ATP8B1: variants seen among roughly 807,000 people sequenced by gnomAD.
The protein encoded by ATP8B1 is phospholipid-transporting ATPase IC.
A neutral mutation model predicts 149.9 loss-of-function variants in ATP8B1; 80 were observed. The observed-to-expected ratio is 0.53, with a 90% CI of 0.45 to 0.64. ATP8B1 has a LOEUF of 0.64. ATP8B1 is among the 30% of genes least tolerant of loss of function. The pLI, the probability that ATP8B1 is intolerant of heterozygous loss-of-function variation, is 0.00. For missense variants in ATP8B1, 1,247 were observed against 1,552.6 expected (o/e 0.80, Z 3.31); for synonymous variants, 536 against 562.8 (o/e 0.95, Z 0.67).
intron 16 of ATP8B1, among the ~76,000 whole-genome samples, chr18:57,674,447 C>T (rs1206045345): frequency 5.8e-5 from 8 of 138,724 alleles, no homozygotes; most frequent in South Asian, 2.5e-4. Flanking sequence ...TGCAGTGGCG[C>T]GATGTCGGCT....
chr18:57,692,847 A>G (rs1912611474), intron 11 of ATP8B1, among the ~76,000 whole-genome samples: 1 of 152,214 alleles, frequency 6.6e-6, no homozygotes. Flanking sequence ...AAGCAATATG[A>G]TAAGTATTAT....
chr18:57,684,095 A>C lies in ATP8B1; in HGVS notation c.1571T>G (p.Val524Gly). The part of the protein sequence containing the change: ...EQIQSGKEPE[V>G]RQFFFLLAVC... Reference sequence around the variant, plus strand: ...TGCGAGCAAGAAGAAGAACTGTCGTACTTCTGGCTCTTTCCCTGACTGGAT... The same window carrying C: ...TGCGAGCAAGAAGAAGAACTGTCGTCCTTCTGGCTCTTTCCCTGACTGGAT... Residue 524 changes from valine (V) to glycine (G), a missense_variant, in exon 15 of 28, where the codon GTA becomes GGA. Around this residue, in one of 3 missense-constraint regions of ATP8B1, gnomAD observed 853 missense variants for 1,035.7 expected, o/e 0.82. Coordinates refer to ENST00000648908, the MANE Select transcript of ATP8B1 (RefSeq NM_001374385.1). The C allele has an allele frequency of 3.1e-6, 5 of 1,614,168 alleles. No individual in the cohort carries two copies. The highest frequency in any genetic ancestry group is 4.2e-6 in the Non-Finnish European group (5 of 1,180,006).
At chr18:57,710,818 A>G (rs1283361767) in intron 2 of ATP8B1, among the ~76,000 whole-genome samples, 1 of 152,142 alleles carries the variant, frequency 6.6e-6, no homozygotes, top group Non-Finnish European at 1.5e-5. Context: ...TATTTTTAGT[A>G]GAGACCGGGT....
At chr18:57,765,197 A>G (rs563170086) in intron 1 of ATP8B1, among the ~76,000 whole-genome samples, 1 of 152,372 alleles carries the variant, frequency 6.6e-6, no homozygotes, top group South Asian at 2.1e-4. Flanking sequence ...CACTTACATT[A>G]GGAATGCAGA....
intron 21 of ATP8B1, among the ~76,000 whole-genome samples, chr18:57,661,714 T>TATATATA (rs1491309917): frequency 2.1e-4 from 8 of 37,472 alleles, no homozygotes; most frequent in African/African-American, 5.9e-4. Context: ...TATATATATA[T>TATATATA]TTTTTTTTTT....
At chr18:57,763,445 T>C (rs1305641143) in intron 1 of ATP8B1, among the ~76,000 whole-genome samples, 1 of 152,158 alleles carries the variant, frequency 6.6e-6, no homozygotes, top group East Asian at 1.9e-4. Flanking sequence ...TTCCACAAAT[T>C]GTATCAGAAA....
intron 10 of ATP8B1, 64 bp from the exon 11 acceptor site, chr18:57,694,734 A>C: frequency 1.8e-6 from 2 of 1,127,520 alleles, no homozygotes; most frequent in Non-Finnish European, 2.7e-6. Flanking sequence ...CTCACCAATA[A>C]AATTACTCTT....
At chr18:57,679,822 G>A (rs62094230) in intron 15 of ATP8B1, among the ~76,000 whole-genome samples, 49,449 of 151,780 alleles carry the variant, frequency 0.33, 8,712 homozygotes, top group Non-Finnish European at 0.4. Context: ...CCGCCACCAC[G>A]CCCAGCTAAT....
At chr18:57,661,485 G>T (rs1229127777) in intron 21 of ATP8B1, 23 bp from the exon 22 acceptor site, 2 of 1,610,280 alleles carry the variant, frequency 1.2e-6, no homozygotes, top group Non-Finnish European at 8.5e-7. Context: ...AGAGGGAAAA[G>T]GTTACATTCA....
chr18:57,749,211 G>A (rs1030471074), intron 1 of ATP8B1, among the ~76,000 whole-genome samples: 16 of 152,214 alleles, frequency 1.1e-4, no homozygotes, highest in Admixed American at 3.9e-4. Context: ...AGCACATGGT[G>A]ATGAGGGCTT....
intron 4 of ATP8B1, among the ~76,000 whole-genome samples, chr18:57,701,852 C>G (rs1913144487): frequency 6.6e-6 from 1 of 151,912 alleles, no homozygotes; most frequent in Admixed American, 6.6e-5. Flanking sequence ...TGTGCCACCA[C>G]CCCCGGCTAA....
intron 25 of ATP8B1, 71 bp from the exon 26 acceptor site, chr18:57,652,243 C>A: frequency 6.3e-7 from 1 of 1,587,466 alleles, no homozygotes; most frequent in Admixed American, 1.7e-5. Flanking sequence ...ATCTAACAAT[C>A]CTGAAAACAG....
At chr18:57,761,085 TAAAATAAAATAA>T (rs1169756627) in intron 1 of ATP8B1, among the ~76,000 whole-genome samples, 9 of 133,016 alleles carry the variant, frequency 6.8e-5, no homozygotes, top group South Asian at 4.6e-4. Context: ...ATAAATAAAA[TAAAATAAAATAA>T]AAAATAAAAT....
chr18:57,789,672 A>G (rs778235383), intron 1 of ATP8B1, among the ~76,000 whole-genome samples: 13 of 152,220 alleles, frequency 8.5e-5, no homozygotes, highest in Non-Finnish European at 1.3e-4. Flanking sequence ...TGAGCCATGT[A>G]TGGTGGTCTT....
At chr18:57,715,855 AAGTAAACGATGTT>A (rs2079578704) in intron 2 of ATP8B1, among the ~76,000 whole-genome samples, 1 of 152,218 alleles carries the variant, frequency 6.6e-6, no homozygotes, top group South Asian at 2.1e-4. Flanking sequence ...ATTAATCAGA[AAGTAAACGATGTT>A]AGTGAGCAAT....
At chr18:57,706,435 G>C in intron 3 of ATP8B1, 55 bp downstream of exon 3, 3 of 1,447,404 alleles carry the variant, frequency 2.1e-6, no homozygotes, top group Non-Finnish European at 2.9e-6. Context: ...AAGCATGCCA[G>C]CTACTGGAAA....
At chr18:57,713,401 A>G (rs1429478585) in intron 2 of ATP8B1, among the ~76,000 whole-genome samples, 1 of 151,130 alleles carries the variant, frequency 6.6e-6, no homozygotes, top group Admixed American at 6.6e-5. Flanking sequence ...GGTTCAAGCA[A>G]TTCTCATGCC....
intron 15 of ATP8B1, among the ~76,000 whole-genome samples, chr18:57,675,303 G>T (rs906973412): frequency 1.3e-5 from 2 of 152,206 alleles, no homozygotes; most frequent in Non-Finnish European, 2.9e-5. Context: ...AACAGGTGTT[G>T]ACATTTTATC....
At chr18:57,691,712 C>CT (rs2122869972) in intron 12 of ATP8B1, 95 bp downstream of exon 12, 1 of 1,455,034 alleles carries the variant, frequency 6.9e-7, no homozygotes, top group Admixed American at 2.0e-5. Context: ...TCTTTGTGAC[C>CT]TTTGAAACAG....
Sources: gnomAD v4.1 joint callset for allele counts (sites outside exome capture counted in the v4.1 genomes callset) on GRCh38, gnomAD v4.1.1 for gene constraint, gnomAD v4.1.1 regional missense constraint, MANE v1.5 for transcripts, NCBI Gene and HGNC (gene_info 2026-07-23, HGNC 2026-07-21) for gene names.